The following AFG1L variants were observed in gnomAD, a reference collection of about 807,000 sequenced individuals.
AFG1L encodes the protein AFG1 like ATPase, also known as AFG1-like ATPase.
Under a neutral mutation model 62.2 loss-of-function variants are expected in AFG1L, and 53 were observed. The ratio of observed to expected loss-of-function variants is 0.85; its 90% CI spans 0.68 to 1.07. The LOEUF (loss-of-function observed/expected upper bound fraction) is 1.07. Ranked by LOEUF, AFG1L falls within the 50% of genes least tolerant of loss-of-function variation. The probability of loss-of-function intolerance (pLI) is 0.00; values close to 1 mark genes in which losing one functional copy is unlikely to be tolerated. For missense variants in AFG1L, 555 were observed against 590.5 expected, an observed-to-expected ratio of 0.94 and a Z score of 0.62; for synonymous variants, 228 against 210.3, an observed-to-expected ratio of 1.08 and a Z score of -0.73.
intron 11 of AFG1L, among the ~76,000 whole-genome samples, chr6:108,517,221 C>T (rs1367328672): frequency 6.6e-6 from 1 of 152,198 alleles, no homozygotes; most frequent in Non-Finnish European, 1.5e-5. Flanking sequence ...AAGAACAAAG[C>T]TGGAGGCATC....
chr6:108,505,129 C>G (rs1296300774), intron 10 of AFG1L, among the ~76,000 whole-genome samples: 1 of 147,992 alleles, frequency 6.8e-6, no homozygotes, highest in Non-Finnish European at 1.5e-5. Context: ...GAGTCTCACA[C>G]TGTCACCCAG....
At chr6:108,389,429 A>G (rs999767857) in intron 6 of AFG1L, among the ~76,000 whole-genome samples, 1 of 152,048 alleles carries the variant, frequency 6.6e-6, no homozygotes, top group Non-Finnish European at 1.5e-5. Flanking sequence ...TATGATGTTA[A>G]CTGGTTATTT....
intron 5 of AFG1L, among the ~76,000 whole-genome samples, chr6:108,363,424 T>C (rs1779622701): frequency 6.6e-6 from 1 of 152,200 alleles, no homozygotes; most frequent in African/African-American, 2.4e-5. Flanking sequence ...AGGTGTTAGA[T>C]ACACGATTCT....
intron 7 of AFG1L, among the ~76,000 whole-genome samples, chr6:108,437,355 GT>G (rs1771354847): frequency 1.3e-5 from 2 of 152,150 alleles, no homozygotes; most frequent in South Asian, 4.1e-4. Flanking sequence ...AGATTACTTT[GT>G]ACTTTTCATT....
chr6:108,399,174 G>GTTTTTTT lies in AFG1L; in HGVS notation c.749-2819_749-2818insTTTTTTT, dbSNP rs1424528059. ...ATTGCAAAGATCTGTCACTTCTTTT[G>GTTTTTTT]TTTGTTTTTTTTTTTTTTTTTTTTT... On this transcript the variant is annotated intron_variant, in intron 6 of 12. Transcript: ENST00000368977. Among the ~76,000 whole-genome samples the GTTTTTTT allele has an allele frequency of 2.1e-4, 11 of 51,412 alleles. 2 individuals carry two copies. The highest frequency in any genetic ancestry group is 1.3e-3 in the East Asian group (2 of 1,564). 33.7% of individuals were successfully genotyped at this position (51,412 alleles called of 152,430 possible).
intron 10 of AFG1L, among the ~76,000 whole-genome samples, chr6:108,491,417 G>A (rs993828736): frequency 6.6e-6 from 1 of 152,054 alleles, no homozygotes; most frequent in Non-Finnish European, 1.5e-5. Flanking sequence ...TCCTGCTGCC[G>A]ACATATGCTT....
chr6:108,437,076 A>G (rs2114726307), intron 7 of AFG1L, among the ~76,000 whole-genome samples: 1 of 152,236 alleles, frequency 6.6e-6, no homozygotes, highest in South Asian at 2.1e-4. Flanking sequence ...CTTTTTTTAT[A>G]AAGGCAGTAA....
chr6:108,416,284 G>C (rs570011883), intron 7 of AFG1L, among the ~76,000 whole-genome samples: 39 of 152,346 alleles, frequency 2.6e-4, no homozygotes, highest in African/African-American at 7.2e-4. Flanking sequence ...ACAGGTGCTG[G>C]AGAGGATGTG....
chr6:108,295,300 A>G (rs572517575), intron 1 of AFG1L, 82 bp downstream of exon 1: 2 of 1,464,320 alleles, frequency 1.4e-6, no homozygotes, highest in East Asian at 4.6e-5. Flanking sequence ...TGTCCGATCT[A>G]CCCCAGGTGT....
rs1052728912 is a variant in AFG1L at position 108,308,917 on chromosome 6, C to T, written c.139+13699C>T. 8.6e-5 allele frequency among the ~76,000 whole-genome samples: 13 copies of T among 151,958 alleles called. No individual in the cohort carries two copies. In the South Asian group the frequency reaches 1.2e-3, roughly 15 times the overall value. On this transcript the variant is annotated intron_variant, in intron 1 of 12. Coordinates refer to ENST00000368977, the MANE Select transcript of AFG1L (RefSeq NM_145315.5). The stretch of plus-strand genomic sequence containing the variant: ...AGATGGGGTTTCACCATGTTGGCCC[C>T]GCTAGTCTTGAACTCCTAACCTCAG...
chr6:108,415,001 T>A (rs1223480619), intron 7 of AFG1L, among the ~76,000 whole-genome samples: 2 of 152,194 alleles, frequency 1.3e-5, no homozygotes, highest in Admixed American at 1.3e-4. Context: ...GCAGATGACA[T>A]GATTGTATAT....
At chr6:108,341,663 T>C (rs751149107) in intron 2 of AFG1L, among the ~76,000 whole-genome samples, 1 of 152,050 alleles carries the variant, frequency 6.6e-6, no homozygotes, top group Non-Finnish European at 1.5e-5. Context: ...ATATCTCTTA[T>C]GCTTGGTGGA....
chr6:108,392,140 C>G (rs545843468), intron 6 of AFG1L: 2 of 152,084 alleles, frequency 1.3e-5, no homozygotes, highest in Non-Finnish European at 2.9e-5. Flanking sequence ...GGCTTCTGCA[C>G]AAGGATAAGT....
chr6:108,394,643 A>G (rs542694392), intron 6 of AFG1L, among the ~76,000 whole-genome samples: 13 of 152,252 alleles, frequency 8.5e-5, no homozygotes, highest in East Asian at 7.7e-4. Flanking sequence ...CTATTTTGCT[A>G]TGTGTATGAT....
At chr6:108,418,910 T>C (rs1261083033) in intron 7 of AFG1L, among the ~76,000 whole-genome samples, 1 of 152,196 alleles carries the variant, frequency 6.6e-6, no homozygotes, top group Non-Finnish European at 1.5e-5. Flanking sequence ...CAATTTACTA[T>C]TACTAGCCTT....
At chr6:108,453,439 T>C (rs1772136125) in intron 8 of AFG1L, among the ~76,000 whole-genome samples, 1 of 152,246 alleles carries the variant, frequency 6.6e-6, no homozygotes, top group Admixed American at 6.5e-5. Context: ...AAAATCATTT[T>C]GGAGAATATA....
At chr6:108,379,403 G>A (rs920723028) in intron 6 of AFG1L, among the ~76,000 whole-genome samples, 2 of 152,198 alleles carry the variant, frequency 1.3e-5, no homozygotes, top group African/African-American at 2.4e-5. Context: ...GCCAGCTACA[G>A]CCAGTGTGTT....
chr6:108,503,836 T>C (rs1774296286), intron 10 of AFG1L, among the ~76,000 whole-genome samples: 1 of 152,264 alleles, frequency 6.6e-6, no homozygotes, highest in Non-Finnish European at 1.5e-5. Flanking sequence ...TGATCTTAAC[T>C]AGATCTTGCT....
rs533088 is a variant in AFG1L at position 108,320,929 on chromosome 6, C to T, written c.140-2896C>T. On this transcript the variant is annotated intron_variant, in intron 1 of 12. Coordinates refer to ENST00000368977, the MANE Select transcript of AFG1L (RefSeq NM_145315.5). The stretch of plus-strand genomic sequence containing the variant: ...AGGAAGAGGAATATATCAGTAATCA[C>T]CCTGAAGTTTCTCACTTGGTTGACT... Among the ~76,000 whole-genome samples, 1,513 of 152,244 alleles carry T rather than the reference C, an allele frequency of 9.9e-3. 17 individuals carry two copies. The highest frequency in any genetic ancestry group is 0.031 in the African/African-American group (1,293 of 41,542).
Sources: allele counts gnomAD v4.1 joint callset (sites outside exome capture counted in the v4.1 genomes callset), GRCh38; gene constraint gnomAD v4.1.1; transcripts MANE v1.5; gene names NCBI Gene and HGNC (gene_info 2026-07-23, HGNC 2026-07-21).